USP6: variants seen among roughly 807,000 people sequenced by gnomAD.
The protein encoded by USP6 is ubiquitin specific peptidase 6.
USP6 carries 128 observed loss-of-function variants against 175.7 expected under a neutral mutation model. That is an observed-to-expected ratio of 0.73 (90% CI 0.63 to 0.84). The LOEUF (loss-of-function observed/expected upper bound fraction) is 0.84, where lower values mean the gene tolerates loss of function less well. Ranked by LOEUF, USP6 falls within the 40% of genes least tolerant of loss-of-function variation. The pLI, the probability that USP6 is intolerant of heterozygous loss-of-function variation, is 0.00. For missense variants in USP6, 1,498 were observed against 1,760.3 expected, an observed-to-expected ratio of 0.85 and a Z score of 2.67; for synonymous variants, 562 against 630.6, an observed-to-expected ratio of 0.89 and a Z score of 1.63.
rs574464956 is a variant in USP6, at chr17:5,170,904, T to A, written c.3943T>A (p.Tyr1315Asn). The change falls in exon 36 of 38, where the codon TAT (tyrosine) becomes AAT (asparagine). Residue 1315 changes from tyrosine (Y) to asparagine (N), a missense_variant. By Grantham distance (143) the Tyr-to-Asn change is moderately radical. Coordinates refer to ENST00000574788, the MANE Select transcript of USP6 (RefSeq NM_001304284.2). ...DTHIKPIYNL[Y>N]AISCHSGILS... ...TCATATTAAGCCTATTTATAATCTA[T>A]ATGCAATTTCAGTAAGTGGTTTATT... is the stretch of plus-strand genomic sequence containing the variant. 1.9e-5 allele frequency: 31 copies of A among 1,610,574 alleles called. No homozygotes were observed. The highest frequency in any genetic ancestry group is 3.3e-5 in the Admixed American group (2 of 60,006).
chr17:5,140,012 A>G (rs1167091126), intron 22 of USP6, among the ~76,000 whole-genome samples: 1 of 152,034 alleles, frequency 6.6e-6, no homozygotes, highest in Non-Finnish European at 1.5e-5. Flanking sequence ...GATGGAACAC[A>G]CCAGCCCCCA....
Position 5,125,824 on chromosome 17 carries a change from G to A in USP6, c.-588G>A, listed in dbSNP as rs1049982546. 6.6e-6 allele frequency: 1 copy of A among 152,150 alleles called. No individual in the cohort carries two copies. The highest frequency in any genetic ancestry group is 1.5e-5 in the Non-Finnish European group (1 of 68,084). The allele number at this position is 152,150 out of a possible 1,614,324, so 9.4% of individuals were successfully genotyped here. On this transcript the variant is annotated 5_prime_UTR_variant, in exon 6 of 38. The change creates a premature stop within an existing upstream ORF in the 5' untranslated region. Transcript: ENST00000574788. ...GAATTTCACTCTTGTTGCCTAGGCT[G>A]GAGTGCAATGGCGCAATCTCGGCTC...
At chr17:5,172,357 C>T (rs531624036) in intron 37 of USP6, among the ~76,000 whole-genome samples, 2 of 151,686 alleles carry the variant, frequency 1.3e-5, no homozygotes, top group African/African-American at 4.8e-5. Flanking sequence ...TGGTGAAACC[C>T]CATCTCTACT....
At chr17:5,163,086 G>T in intron 33 of USP6, 82 bp downstream of exon 33, 1 of 1,464,786 alleles carries the variant, frequency 6.8e-7, no homozygotes, top group South Asian at 1.6e-5. Context: ...ATTTCTGTTT[G>T]ACAATTTAAA....
chr17:5,169,183 T>C (rs866299243), intron 35 of USP6, 128 bp downstream of exon 35: 3 of 1,115,540 alleles, frequency 2.7e-6, no homozygotes, highest in Non-Finnish European at 2.5e-6. Context: ...CAGACCTATC[T>C]GTATTTGAGC....
At chr17:5,149,795 G>A (rs917303341) in intron 30 of USP6, among the ~76,000 whole-genome samples, 1 of 152,008 alleles carries the variant, frequency 6.6e-6, no homozygotes, top group Non-Finnish European at 1.5e-5. Context: ...TGCATTAAAG[G>A]TTGACTCTTT....
chr17:5,137,229 C>T (rs377521181), intron 19 of USP6, 43 bp downstream of exon 19: 1 of 1,603,440 alleles, frequency 6.2e-7, no homozygotes, highest in South Asian at 1.1e-5. Context: ...ACCCTCCTTG[C>T]CCTGCAGTGC....
intron 31 of USP6, among the ~76,000 whole-genome samples, chr17:5,160,099 C>T (rs1407528748): frequency 6.6e-6 from 1 of 152,106 alleles, no homozygotes; most frequent in Non-Finnish European, 1.5e-5. Flanking sequence ...TATGAGAGTG[C>T]TACTTGATTG....
intron 31 of USP6, among the ~76,000 whole-genome samples, chr17:5,157,711 A>G (rs1160527639): frequency 6.6e-6 from 1 of 151,790 alleles, no homozygotes; most frequent in African/African-American, 2.4e-5. Context: ...AGCTCACTGC[A>G]CCTCTGCCTC....
rs1598116325 is a variant in USP6, at chr17:5,173,128, G to A, written c.*150G>A. The A allele has an allele frequency of 9.8e-7, 1 of 1,023,980 alleles. No individual in the cohort carries two copies. Among genetic ancestry groups the A allele is most frequent in the Non-Finnish European group, 1.4e-6 (1 of 717,426 alleles). 63.4% of individuals were successfully genotyped at this position (1,023,980 alleles called of 1,614,324 possible). On this transcript the variant is annotated 3_prime_UTR_variant, in exon 38 of 38. Transcript: ENST00000574788. Reference sequence around the variant, plus strand: ...TTCTAATTAAAATAGTTAACTTGAAGAGTAGAAACAATTGTATTTTGAAGT... The same window carrying A: ...TTCTAATTAAAATAGTTAACTTGAAAAGTAGAAACAATTGTATTTTGAAGT...
Position 5,174,605 on chromosome 17 carries a change from T to A in USP6, c.*1627T>A, listed in dbSNP as rs745746247. On this transcript the variant is annotated 3_prime_UTR_variant, in exon 38 of 38. Transcript: ENST00000574788. The stretch of plus-strand genomic sequence containing the variant: ...CAAGATTTTCAGTAAATAAAATCTG[T>A]CCATTCCTACCTGGACATGTCCCAT... 1.0e-5 allele frequency: 2 copies of A among 195,040 alleles called. No homozygotes were observed. The highest frequency in any genetic ancestry group is 1.1e-5 in the Non-Finnish European group (1 of 93,402). The allele number at this position is 195,040 out of a possible 1,614,324, so 12.1% of individuals were successfully genotyped here. A position where few individuals can be genotyped will look rare whatever the true frequency, so the allele number is the denominator to read the frequency against.
chr17:5,145,775 T>G (rs2073590481), intron 27 of USP6, among the ~76,000 whole-genome samples, 196 bp downstream of exon 27: 1 of 152,186 alleles, frequency 6.6e-6, no homozygotes, highest in African/African-American at 2.4e-5. Context: ...GTTTCAAATA[T>G]GCCAGCAACT....
At chr17:5,143,363 C>T (rs941377827) in intron 25 of USP6, among the ~76,000 whole-genome samples, 9 of 152,204 alleles carry the variant, frequency 5.9e-5, no homozygotes, top group Non-Finnish European at 1.3e-4. Flanking sequence ...GCTGTGTCTG[C>T]GTAGAAAGAA....
At chr17:5,141,403 A>C in intron 22 of USP6, 22 bp from the exon 23 acceptor site, 2 of 1,588,132 alleles carry the variant, frequency 1.3e-6, no homozygotes, top group East Asian at 4.5e-5. Flanking sequence ...AGAAATTAAC[A>C]CATTCCTATC....
At chr17:5,146,956 A>G (rs1195046009) in intron 28 of USP6, 127 bp from the exon 29 acceptor site, 5 of 968,982 alleles carry the variant, frequency 5.2e-6, no homozygotes, top group Admixed American at 3.3e-5. Flanking sequence ...TTGAAAAATT[A>G]TTCAATCATC....
At chr17:5,171,965 A>G (rs1162355010) in intron 37 of USP6, among the ~76,000 whole-genome samples, 1 of 151,740 alleles carries the variant, frequency 6.6e-6, no homozygotes, top group African/African-American at 2.4e-5. Context: ...ACTTGATGTC[A>G]GGAGTTCGAG....
intron 30 of USP6, among the ~76,000 whole-genome samples, chr17:5,149,560 G>A (rs1305835606): frequency 6.6e-6 from 1 of 152,028 alleles, no homozygotes; most frequent in Non-Finnish European, 1.5e-5. Flanking sequence ...GTGAGACCTT[G>A]TCTCTAAAAA....
rs528847114 is a variant in USP6, at chr17:5,130,792, G to A, written c.155+108G>A. ...GATGCAGGACATGTCTCGCTAGGTCGGGCCAACCTCTTTTCCAGGGTCAGA... is the reference window on the plus strand; with the variant it reads ...GATGCAGGACATGTCTCGCTAGGTCAGGCCAACCTCTTTTCCAGGGTCAGA... On this transcript the variant is annotated intron_variant, in intron 11 of 37. Coordinates refer to ENST00000574788, the MANE Select transcript of USP6 (RefSeq NM_001304284.2). 69 of 1,396,128 alleles carry A rather than the reference G, an allele frequency of 4.9e-5. 1 individual carries two copies. In the South Asian group the frequency reaches 5.4e-4, roughly 11 times the overall value. The allele number at this position is 1,396,128 out of a possible 1,614,324, so 86.5% of individuals were successfully genotyped here. A position where few individuals can be genotyped will look rare whatever the true frequency, so the allele number is the denominator to read the frequency against.
At chr17:5,151,233 C>A (rs1275961128) in intron 30 of USP6, among the ~76,000 whole-genome samples, 2 of 151,698 alleles carry the variant, frequency 1.3e-5, no homozygotes, top group African/African-American at 4.8e-5. Context: ...AAATTAAGTA[C>A]CTAGGAATAA....
Sources: allele counts gnomAD v4.1 joint callset (sites outside exome capture counted in the v4.1 genomes callset), GRCh38; gene constraint gnomAD v4.1.1; transcripts MANE v1.5; gene names NCBI Gene and HGNC (gene_info 2026-07-23, HGNC 2026-07-21).